Variants in CES5A observed in about 807,000 individuals in gnomAD.
CES5A encodes the protein carboxylesterase 5.
Under a neutral mutation model 62.9 loss-of-function variants are expected in CES5A, and 67 were observed. The observed-to-expected ratio is 1.07, with a 90% confidence interval of 0.88 to 1.31. CES5A has a LOEUF of 1.31. CES5A is among the 50% of genes most tolerant of loss of function. The pLI, the probability that CES5A is intolerant of heterozygous loss-of-function variation, is 0.00. For missense variants in CES5A, 748 were observed against 708.5 expected, an observed-to-expected ratio of 1.06 and a Z score of -0.63; for synonymous variants, 296 against 280.8, an observed-to-expected ratio of 1.05 and a Z score of -0.54.
rs377295302 is a variant in CES5A at position 55,849,775 on chromosome 16, T to C, written c.1274-2A>G. 6.2e-7 allele frequency: 1 copy of C among 1,613,556 alleles called. No individual in the cohort carries two copies. The highest frequency in any genetic ancestry group is 8.5e-7 in the Non-Finnish European group (1 of 1,179,778). ...AGAAGTAGACAGGTGCACCAGCATC[T>C]GACAAAAGGTCAGGGAAGGTCAGGC... On this transcript the variant is annotated splice_acceptor_variant, in intron 10 of 12. Transcript: ENST00000290567. LOFTEE classifies it high-confidence loss of function.
intron 6 of CES5A, among the ~76,000 whole-genome samples, 180 bp downstream of exon 6, chr16:55,863,168 G>A (rs532507508): frequency 3.7e-4 from 56 of 152,276 alleles, no homozygotes; most frequent in Non-Finnish European, 7.1e-4. Flanking sequence ...GCATTGTGTA[G>A]CTAGACCCAT....
chr16:55,902,283 T>G (rs564947719), intron 1 of CES5A, among the ~76,000 whole-genome samples: 1 of 152,258 alleles, frequency 6.6e-6, no homozygotes, highest in Admixed American at 6.5e-5. Context: ...GAAATTTTCT[T>G]ATGTGACAAC....
At chr16:55,929,968 C>T (rs1463871440), upstream of CES5A, among the ~76,000 whole-genome samples, 3 of 150,540 alleles carry the variant, frequency 2.0e-5, no homozygotes, top group Non-Finnish European at 4.4e-5. Context: ...CCCTCACCAC[C>T]TTCCTTGGCC....
At chr16:55,894,407 C>T (rs2033910612) in intron 1 of CES5A, among the ~76,000 whole-genome samples, 1 of 145,426 alleles carries the variant, frequency 6.9e-6, no homozygotes, top group African/African-American at 2.6e-5. Context: ...ACTTGGGAGG[C>T]TGAGGCATGA....
chr16:55,852,109 G>A (rs532931112), intron 10 of CES5A, among the ~76,000 whole-genome samples: 5 of 152,260 alleles, frequency 3.3e-5, no homozygotes, highest in African/African-American at 9.6e-5. Flanking sequence ...TGATAAAAAC[G>A]TTCTGAAGAT....
chr16:55,942,935 C>G (rs1479056556), intron 2 of CES5A, among the ~76,000 whole-genome samples: 1 of 152,078 alleles, frequency 6.6e-6, no homozygotes, highest in African/African-American at 2.4e-5. Context: ...GCGATTTTGT[C>G]TATGTCAAGT....
intron 1 of CES5A, among the ~76,000 whole-genome samples, chr16:55,906,679 G>A (rs1325540389): frequency 6.6e-6 from 1 of 152,236 alleles, no homozygotes; most frequent in African/African-American, 2.4e-5. Context: ...GGAGTCCCAA[G>A]AGAGGGGCTT....
At chr16:55,900,972 G>A (rs1187659207) in intron 1 of CES5A, among the ~76,000 whole-genome samples, 1 of 152,184 alleles carries the variant, frequency 6.6e-6, no homozygotes, top group Non-Finnish European at 1.5e-5. Flanking sequence ...GTGAGTCAGG[G>A]GGAGAGCTGC....
chr16:55,884,529 G>A (rs1012006697), intron 1 of CES5A, among the ~76,000 whole-genome samples: 1 of 151,948 alleles, frequency 6.6e-6, no homozygotes, highest in Non-Finnish European at 1.5e-5. Flanking sequence ...CCAGTTCTAC[G>A]GCCACCTCTC....
intron 6 of CES5A, among the ~76,000 whole-genome samples, chr16:55,861,895 G>A (rs1419148615): frequency 1.3e-5 from 2 of 152,100 alleles, no homozygotes; most frequent in Non-Finnish European, 2.9e-5. Flanking sequence ...GCTGAATGAA[G>A]ACAAACACCA....
intron 1 of CES5A, among the ~76,000 whole-genome samples, chr16:55,892,433 G>A (rs1053659662): frequency 1.3e-5 from 2 of 152,006 alleles, no homozygotes; most frequent in Admixed American, 6.6e-5. Context: ...CACAGGCCAT[G>A]GTCACTCATT....
chr16:55,899,873 A>T lies in CES5A; in HGVS notation c.-256+25450T>A, dbSNP rs373788160. On this transcript the variant is annotated intron_variant, in intron 1 of 12. Transcript: ENST00000518005. ...CATATGATATTGTCTATATTTGAAA[A>T]TTTTGACCTATAAAAACACCCAGTG... Among the ~76,000 whole-genome samples, 23 of 152,310 alleles carry T rather than the reference A, an allele frequency of 1.5e-4. 1 individual carries two copies. In the East Asian group the frequency reaches 1.9e-3, roughly 13 times the overall value.
chr16:55,875,662 G>A (rs1212764690), upstream of CES5A, among the ~76,000 whole-genome samples: 8 of 152,202 alleles, frequency 5.3e-5, no homozygotes, highest in East Asian at 1.9e-4. Flanking sequence ...TGGGACAAGC[G>A]AGTGGCTCTG....
At chr16:55,924,007 A>G (rs1328728264) in intron 1 of CES5A, among the ~76,000 whole-genome samples, 1 of 151,940 alleles carries the variant, frequency 6.6e-6, no homozygotes, top group Admixed American at 6.6e-5. Context: ...ATCTGGAATA[A>G]GACAAGTATG....
chr16:55,901,986 G>A (rs1223241220), intron 1 of CES5A, among the ~76,000 whole-genome samples: 3 of 152,154 alleles, frequency 2.0e-5, no homozygotes, highest in African/African-American at 7.2e-5. Context: ...TCGCAGCCTT[G>A]GTGAGGACTG....
rs2033585551 is a variant in CES5A, at chr16:55,871,568, G to A, written c.417+57C>T. On this transcript the variant is annotated intron_variant, in intron 3 of 12. Transcript: ENST00000290567. ...TCCAGACATGTAGCTGCACTGCCTG[G>A]ATCCCAGGCCAAGGTCCTGCTAGCT... 3.7e-6 allele frequency: 6 copies of A among 1,602,434 alleles called. No individual in the cohort carries two copies. The South Asian group carries it at 6.6e-5, about 18-fold the overall frequency.
intron 1 of CES5A, among the ~76,000 whole-genome samples, chr16:55,884,681 T>A: frequency 6.6e-6 from 1 of 151,988 alleles, no homozygotes; most frequent in Non-Finnish European, 1.5e-5. Context: ...AGCCTCAACC[T>A]CCTGTGCTCA....
chr16:55,894,511 A>AAAAAG (rs1286284419), intron 1 of CES5A, among the ~76,000 whole-genome samples: 3 of 150,728 alleles, frequency 2.0e-5, no homozygotes, highest in Admixed American at 6.6e-5. Flanking sequence ...AAAAAAAAAA[A>AAAAAG]AAAAGAAAAG....
At chr16:55,949,746 GCAGACC>G (rs776899389) in intron 2 of CES5A, 1 of 1,019,300 alleles carries the variant, frequency 9.8e-7, no homozygotes, top group South Asian at 1.9e-5. Flanking sequence ...GACTCAAGGG[GCAGACC>G]CAACCCTGGT....
Sources: allele counts gnomAD v4.1 joint callset (sites outside exome capture counted in the v4.1 genomes callset), GRCh38; gene constraint gnomAD v4.1.1; transcripts MANE v1.5; gene names NCBI Gene and HGNC (gene_info 2026-07-23, HGNC 2026-07-21).